The following DYNC2H1 variants were observed in gnomAD, a reference collection of about 807,000 sequenced individuals.
The protein encoded by DYNC2H1 is cytoplasmic dynein 2 heavy chain 1.
DYNC2H1 carries 410 observed loss-of-function variants against 570.0 expected under a neutral mutation model. That is an observed-to-expected ratio of 0.72 (90% CI 0.66 to 0.78). DYNC2H1 has a LOEUF of 0.78. Ranked by LOEUF, DYNC2H1 falls within the 30% of genes least tolerant of loss-of-function variation. DYNC2H1 has a pLI of 0.00. For synonymous variants in DYNC2H1, 1,688 were observed against 1,677.6 expected (o/e 1.01, Z -0.15); for missense variants, 4,865 against 5,046.4 (o/e 0.96, Z 1.09).
intron 82 of DYNC2H1, among the ~76,000 whole-genome samples, chr11:103,343,112 C>T (rs1345967569): frequency 6.6e-6 from 1 of 152,130 alleles, no homozygotes; most frequent in African/African-American, 2.4e-5. Flanking sequence ...ATTGGTTTGC[C>T]TGGAATTAGC....
intron 5 of DYNC2H1, among the ~76,000 whole-genome samples, chr11:103,117,029 A>T (rs1362551816): frequency 6.7e-6 from 1 of 150,222 alleles, no homozygotes; most frequent in Non-Finnish European, 1.5e-5. Context: ...AAATTTTTTG[A>T]CCTAGAAAAT....
intron 17 of DYNC2H1, among the ~76,000 whole-genome samples, chr11:103,142,701 TG>T (rs1269220368): frequency 1.3e-5 from 2 of 152,126 alleles, no homozygotes; most frequent in Non-Finnish European, 2.9e-5. Flanking sequence ...GTTTAGAATG[TG>T]ATATGGTTCT....
intron 84 of DYNC2H1, among the ~76,000 whole-genome samples, chr11:103,410,685 C>T (rs528609162): frequency 6.6e-6 from 1 of 152,190 alleles, no homozygotes; most frequent in African/African-American, 2.4e-5. Flanking sequence ...AAGCCACATT[C>T]GTAGTATGTT....
intron 65 of DYNC2H1, among the ~76,000 whole-genome samples, chr11:103,251,600 C>T (rs1018724751): frequency 2.6e-5 from 4 of 152,100 alleles, no homozygotes; most frequent in African/African-American, 9.7e-5. Flanking sequence ...AGTTTTGTTA[C>T]CTACAGTCCT....
chr11:103,253,301 A>C lies in DYNC2H1; in HGVS notation c.10059A>C (p.Val3353=), dbSNP rs1380032420. ...DLVAQGPRYV[V]QIGDKIIDYN... ...TTTAAATAGGACCACGTTATGTGGT[A>C]CAAATAGGTGACAAAATTATTGACT... Residue 3353 remains valine, a synonymous_variant, in exon 66 of 89, where the codon GTA becomes GTC. Coordinates refer to ENST00000375735, the MANE Select transcript of DYNC2H1 (RefSeq NM_001377.3). The C allele has an allele frequency of 6.2e-7, 1 of 1,612,794 alleles. No homozygotes were observed. The highest frequency in any genetic ancestry group is 8.5e-7 in the Non-Finnish European group (1 of 1,179,164).
intron 83 of DYNC2H1, among the ~76,000 whole-genome samples, chr11:103,378,428 C>T (rs553752886): frequency 6.6e-6 from 1 of 152,266 alleles, no homozygotes; most frequent in Non-Finnish European, 1.5e-5. Context: ...GAAATCAATA[C>T]ACTTACTCAA....
At chr11:103,412,435 ATTTAAAATATAC>A (rs1454837420) in intron 84 of DYNC2H1, among the ~76,000 whole-genome samples, 4 of 152,318 alleles carry the variant, frequency 2.6e-5, no homozygotes, top group Admixed American at 1.3e-4. Flanking sequence ...TTAAAACATA[ATTTAAAATATAC>A]AGCAAAAATT....
Position 103,243,837 on chromosome 11 carries a change from A to T in DYNC2H1, c.9918+46A>T. 1 of 1,421,642 alleles carries T rather than the reference A, an allele frequency of 7.0e-7. No homozygotes were observed. The highest frequency in any genetic ancestry group is 9.6e-7 in the Non-Finnish European group (1 of 1,038,444). 88.1% of individuals were successfully genotyped at this position (1,421,642 alleles called of 1,614,324 possible). ...ACATACCAATTAGGAATGACCTCTTATAGTGAAAAGATCTTGGAGTCTATA... is the reference window on the plus strand; with the variant it reads ...ACATACCAATTAGGAATGACCTCTTTTAGTGAAAAGATCTTGGAGTCTATA... On this transcript the variant is annotated intron_variant, in intron 64 of 88. Transcript: ENST00000375735. This position sits in a 1 kb window ranked among gnomAD's most constrained non-coding sequence, Gnocchi z 4.8.
intron 78 of DYNC2H1, among the ~76,000 whole-genome samples, chr11:103,309,398 T>C (rs1412371309): frequency 6.6e-6 from 1 of 150,892 alleles, no homozygotes; most frequent in Admixed American, 6.6e-5. Flanking sequence ...CCTAACTATG[T>C]TGCCGAGGCT....
chr11:103,281,716 C>CAA (rs71066145), intron 71 of DYNC2H1, among the ~76,000 whole-genome samples: 15,382 of 128,970 alleles, frequency 0.12, 910 homozygotes, highest in East Asian at 0.24. Flanking sequence ...AATTCTATGG[C>CAA]AAAAAAAAAA....
rs1565426719 is a variant in DYNC2H1 at position 103,245,210 on chromosome 11, GTAAT to G, written c.9919-37_9919-34del. 4 of 1,397,364 alleles carry G rather than the reference GTAAT, an allele frequency of 2.9e-6. No homozygotes were observed. Among genetic ancestry groups the G allele is most frequent in the Non-Finnish European group, 2.9e-6 (3 of 1,034,798 alleles). The allele number at this position is 1,397,364 out of a possible 1,614,324, so 86.6% of individuals were successfully genotyped here. A position where few individuals can be genotyped will look rare whatever the true frequency, so the allele number is the denominator to read the frequency against. ...AGAAAGGATGTTTGTAAATATTAAA[GTAAT>G]TAAATAATTAATACGTATTCTTTTT... On this transcript the variant is annotated intron_variant, in intron 64 of 88. Transcript: ENST00000375735. This position sits in a 1 kb window ranked among gnomAD's most constrained non-coding sequence, Gnocchi z 4.5.
At position 103,163,028 on chromosome 11, in the gene DYNC2H1, A is replaced by G. The variant is rs766327697; in HGVS notation, c.4492A>G (p.Thr1498Ala). ...TATTATTTTCCAATTTCTTTTTCAG[A>G]CATGGTTGAATGATTTGGCCTTAGA... ...NKVPLSNNVE[T>A]WLNDLALEMK... The change falls in exon 30 of 89, where the codon ACA becomes GCA. Residue 1498 changes from threonine (T) to alanine (A), a missense_variant and splice_region_variant. Transcript: ENST00000375735. The surrounding 1 kb of genome is among the most constrained non-coding windows in gnomAD (Gnocchi z 4.6). 1.2e-6 allele frequency: 2 copies of G among 1,608,472 alleles called. No individual in the cohort carries two copies. The highest frequency in any genetic ancestry group is 1.7e-6 in the Non-Finnish European group (2 of 1,176,950).
intron 82 of DYNC2H1, among the ~76,000 whole-genome samples, chr11:103,336,458 T>G (rs1939133659): frequency 6.8e-6 from 1 of 146,120 alleles, no homozygotes; most frequent in Non-Finnish European, 1.5e-5. Context: ...TCCCAACCCC[T>G]ATACACACCC....
intron 36 of DYNC2H1, 27 bp downstream of exon 36, chr11:103,174,197 A>C (rs1045814330): frequency 1.2e-5 from 18 of 1,487,398 alleles, no homozygotes; most frequent in Non-Finnish European, 1.6e-5. Context: ...CAAATACATT[A>C]ACTTATTTTT....
At chr11:103,242,632 T>G (rs7129311) in intron 63 of DYNC2H1, among the ~76,000 whole-genome samples, 5,803 of 152,286 alleles carry the variant, frequency 0.038, 365 homozygotes, top group African/African-American at 0.13. Context: ...ACTTTTAAAT[T>G]TATCATACAT....
chr11:103,424,028 A>G (rs529246823), intron 84 of DYNC2H1, among the ~76,000 whole-genome samples: 3 of 152,154 alleles, frequency 2.0e-5, no homozygotes, highest in African/African-American at 7.2e-5. Flanking sequence ...TTGTGCACTG[A>G]GAGCTACACA....
rs1301900050 is a variant in DYNC2H1 at position 103,473,176 on chromosome 11, AAAAT to A, written c.12765+4479_12765+4482del. Among the ~76,000 whole-genome samples the A allele has an allele frequency of 9.8e-5, 15 of 152,338 alleles. No individual in the cohort carries two copies. The East Asian group carries it at 1.3e-3, about 14-fold the overall frequency. On this transcript the variant is annotated intron_variant, in intron 88 of 88. Transcript: ENST00000375735. ...GGAATGATGAATTCAAGGAAAAATG[AAAAT>A]AAATAAAATGCTGATGAAATATTTT...
chr11:103,296,436 T>A (rs1337821383), intron 75 of DYNC2H1, among the ~76,000 whole-genome samples: 1 of 152,212 alleles, frequency 6.6e-6, no homozygotes, highest in African/African-American at 2.4e-5. Context: ...GAGTAATAAC[T>A]GTATAATACA....
At chr11:103,406,049 G>A (rs1942853104) in intron 84 of DYNC2H1, among the ~76,000 whole-genome samples, 2 of 151,954 alleles carry the variant, frequency 1.3e-5, no homozygotes, top group Admixed American at 1.3e-4. Flanking sequence ...ATTATCCTGG[G>A]TTTGAATTCC....
Sources: allele counts gnomAD v4.1 joint callset (sites outside exome capture counted in the v4.1 genomes callset), GRCh38; gene constraint gnomAD v4.1.1; non-coding constraint Gnocchi (gnomAD v3.1); transcripts MANE v1.5; gene names NCBI Gene and HGNC (gene_info 2026-07-23, HGNC 2026-07-21).